The following SOX6 variants were observed in gnomAD, a reference collection of about 807,000 sequenced individuals.
SOX6 encodes the protein transcription factor SOX-6.
A neutral mutation model predicts 97.8 loss-of-function variants in SOX6; 11 were observed. The ratio of observed to expected loss-of-function variants is 0.11; its 90% CI spans 0.07 to 0.19. SOX6 has a LOEUF of 0.19. Among genes scored for constraint, SOX6 ranks in the 10% least tolerant of loss-of-function variants. The probability of loss-of-function intolerance (pLI) is 1.00; values close to 1 mark genes in which losing one functional copy is unlikely to be tolerated. For missense variants in SOX6, 810 were observed against 1,039.5 expected (o/e 0.78, Z 3.04); for synonymous variants, 360 against 371.4 (o/e 0.97, Z 0.35).
At position 15,985,507 on chromosome 11, in the gene SOX6, C is replaced by T. The variant is rs11023814; in HGVS notation, c.2183+697G>A. Among the ~76,000 whole-genome samples the T allele has an allele frequency of 1.9e-3, 293 of 151,666 alleles. 3 individuals are homozygous for T. The highest frequency in any genetic ancestry group is 6.8e-3 in the African/African-American group (283 of 41,398). ...CTGGAATCTACAGTCATCTGCATCCCCACTTATCCTGACTACTGTGGTTAT... is the reference window on the plus strand; with the variant it reads ...CTGGAATCTACAGTCATCTGCATCCTCACTTATCCTGACTACTGTGGTTAT... On this transcript the variant is annotated intron_variant, in intron 15 of 15. Transcript: ENST00000683767.
intron 1 of SOX6, among the ~76,000 whole-genome samples, chr11:16,464,489 A>C (rs995614433): frequency 6.6e-6 from 1 of 152,076 alleles, no homozygotes; most frequent in Non-Finnish European, 1.5e-5. Flanking sequence ...GAGGGGAGAA[A>C]GGAAAAGGAA....
intron 6 of SOX6, among the ~76,000 whole-genome samples, chr11:16,169,967 T>G (rs1850988533): frequency 1.3e-5 from 2 of 152,060 alleles, no homozygotes; most frequent in Admixed American, 1.3e-4. Flanking sequence ...TAAACCTTGC[T>G]TAGGGAAAAA....
In SOX6 at chr11:16,022,373, TCCTC is replaced by T. The variant is rs1393853893; in HGVS notation, c.1624-7327_1624-7324del. Reference sequence around the variant, plus strand: ...TTCCTTCCTTCCTTCCTTCCTTCCTTCCTCCCTCCCTCCCTTCCTCTCTCTCTCT... The same window carrying T: ...TTCCTTCCTTCCTTCCTTCCTTCCTTCCTCCCTCCCTTCCTCTCTCTCTCT... On this transcript the variant is annotated intron_variant, in intron 12 of 15. Coordinates refer to ENST00000683767, the MANE Select transcript of SOX6 (RefSeq NM_001367873.1). 1.5e-4 allele frequency among the ~76,000 whole-genome samples: 20 copies of T among 132,660 alleles called. No homozygotes were observed. In the South Asian group the frequency reaches 2.8e-3, roughly 18 times the overall value. 87.0% of individuals were successfully genotyped at this position (132,660 alleles called of 152,430 possible). A position where few individuals can be genotyped will look rare whatever the true frequency, so the allele number is the denominator to read the frequency against.
chr11:16,170,679 G>A (rs897711262), intron 6 of SOX6, among the ~76,000 whole-genome samples: 1 of 151,942 alleles, frequency 6.6e-6, no homozygotes, highest in Admixed American at 6.6e-5. Flanking sequence ...TGGAACACAG[G>A]GGCACATGTT....
chr11:16,090,398 T>C (rs1848659359), intron 9 of SOX6, among the ~76,000 whole-genome samples: 1 of 152,100 alleles, frequency 6.6e-6, no homozygotes, highest in African/African-American at 2.4e-5. Flanking sequence ...GTTTATCCAA[T>C]GTTTTAGTTT....
chr11:16,243,763 T>C (rs1853260788), intron 3 of SOX6, among the ~76,000 whole-genome samples: 1 of 151,988 alleles, frequency 6.6e-6, no homozygotes, highest in African/African-American at 2.4e-5. Flanking sequence ...AAAATGAAAG[T>C]ATACAATATA....
chr11:15,995,469 A>G (rs1854195673), intron 13 of SOX6, among the ~76,000 whole-genome samples: 1 of 152,216 alleles, frequency 6.6e-6, no homozygotes, highest in Admixed American at 6.5e-5. Context: ...TAGAATACAG[A>G]GTATCTACAA....
chr11:16,322,692 C>T (rs141275689), intron 2 of SOX6, among the ~76,000 whole-genome samples: 22 of 152,252 alleles, frequency 1.4e-4, no homozygotes, highest in Middle Eastern at 6.8e-3. Flanking sequence ...TCCTTCATCC[C>T]ATACCACCTT....
At chr11:16,197,661 G>T (rs185090468) in intron 4 of SOX6, among the ~76,000 whole-genome samples, 1 of 152,260 alleles carries the variant, frequency 6.6e-6, no homozygotes, top group African/African-American at 2.4e-5. Context: ...AATAGGTGCT[G>T]CCAAATATAT....
intron 1 of SOX6, among the ~76,000 whole-genome samples, chr11:16,465,177 C>G (rs2133110126): frequency 6.6e-6 from 1 of 152,296 alleles, no homozygotes; most frequent in East Asian, 1.9e-4. Flanking sequence ...CTTTTCATGT[C>G]TGACTTTCTC....
chr11:16,494,666 T>C (rs747328775), intron 4 of SOX6, among the ~76,000 whole-genome samples: 7 of 151,870 alleles, frequency 4.6e-5, no homozygotes, highest in Non-Finnish European at 1.0e-4. Flanking sequence ...AGGGAAGTAA[T>C]AGGAAATACC....
At position 16,096,076 on chromosome 11, in the gene SOX6, C is replaced by T. The variant is rs1590193466; in HGVS notation, c.1021G>A (p.Gly341Ser). 6.2e-7 allele frequency: 1 copy of T among 1,611,370 alleles called. No homozygotes were observed. Among genetic ancestry groups the T allele is most frequent in the African/African-American group, 1.3e-5 (1 of 74,652 alleles). The change falls in exon 9 of 16, where the codon GGC becomes AGC. Residue 341 changes from glycine to serine, a missense_variant. Transcript: ENST00000683767. ...TTCCTGCCAAAACGGTCACTTAGGCCCTTTAGCCTTTGGTTAATTTGTGGG... is the reference window on the plus strand; with the variant it reads ...TTCCTGCCAAAACGGTCACTTAGGCTCTTTAGCCTTTGGTTAATTTGTGGG... ...SHPQINQRLK[G>S]LSDRFGRNLD... is the part of the protein sequence containing the mutation.
intron 2 of SOX6, among the ~76,000 whole-genome samples, chr11:16,325,797 G>A (rs571268449): frequency 6.6e-6 from 1 of 152,254 alleles, no homozygotes; most frequent in South Asian, 2.1e-4. Flanking sequence ...AATCACTTTA[G>A]GAGGTGATTA....
At chr11:15,990,241 A>G (rs1221693841) in intron 13 of SOX6, among the ~76,000 whole-genome samples, 1 of 152,006 alleles carries the variant, frequency 6.6e-6, no homozygotes, top group African/African-American at 2.4e-5. Flanking sequence ...AGGATTTTTC[A>G]CATAATAGAT....
intron 6 of SOX6, among the ~76,000 whole-genome samples, chr11:16,171,083 T>C (rs1020632055): frequency 6.6e-6 from 1 of 152,068 alleles, no homozygotes; most frequent in Non-Finnish European, 1.5e-5. Flanking sequence ...TTGTGTTGCA[T>C]GTAGAGCAAA....
intron 3 of SOX6, among the ~76,000 whole-genome samples, chr11:16,639,634 CG>C (rs1215549184): frequency 6.6e-6 from 1 of 152,082 alleles, no homozygotes; most frequent in Non-Finnish European, 1.5e-5. Flanking sequence ...CCTTCACATC[CG>C]TTTTAAGTTG....
chr11:16,527,053 C>T (rs1861178373), intron 4 of SOX6, among the ~76,000 whole-genome samples: 1 of 151,940 alleles, frequency 6.6e-6, no homozygotes, highest in Non-Finnish European at 1.5e-5. Flanking sequence ...CTCCAGCGGC[C>T]AAAAAGGACT....
At chr11:16,374,906 AT>A (rs34218979) in intron 1 of SOX6, among the ~76,000 whole-genome samples, 8 of 152,158 alleles carry the variant, frequency 5.3e-5, no homozygotes, top group Non-Finnish European at 1.0e-4. Context: ...CTCCACGATC[AT>A]TTTTGTTATT....
At position 16,052,221 on chromosome 11, in the gene SOX6, T is replaced by G. The variant is rs1459129341; in HGVS notation, c.1252-2283A>C. ...TGGCTATCACCTACCAACTCCCAAT[T>G]AAGTGAATCCCTTTCCACCATGGCA... is the stretch of plus-strand genomic sequence containing the variant. On this transcript the variant is annotated intron_variant, in intron 10 of 15. Coordinates refer to ENST00000683767, the MANE Select transcript of SOX6 (RefSeq NM_001367873.1). Among the ~76,000 whole-genome samples the G allele has an allele frequency of 4.6e-5, 7 of 152,142 alleles. No homozygotes were observed. The East Asian group carries it at 1.4e-3, about 29-fold the overall frequency.
Sources: allele counts gnomAD v4.1 joint callset (sites outside exome capture counted in the v4.1 genomes callset), GRCh38; gene constraint gnomAD v4.1.1; transcripts MANE v1.5; gene names NCBI Gene and HGNC (gene_info 2026-07-23, HGNC 2026-07-21).